The following DNAH2 variants were observed in gnomAD, a reference collection of about 807,000 sequenced individuals.
DNAH2 encodes dynein axonemal heavy chain 2.
Under a neutral mutation model 523.5 loss-of-function variants are expected in DNAH2, and 323 were observed. The ratio of observed to expected loss-of-function variants is 0.62; its 90% CI spans 0.56 to 0.68. The LOEUF is 0.68. Ranked by LOEUF, DNAH2 falls within the 30% of genes least tolerant of loss-of-function variation. The pLI, the probability that DNAH2 is intolerant of heterozygous loss-of-function variation, is 0.00. For missense variants in DNAH2, 4,907 were observed against 5,701.5 expected (o/e 0.86, Z 4.49); for synonymous variants, 2,093 against 2,177.4 (o/e 0.96, Z 1.08).
intron 58 of DNAH2, among the ~76,000 whole-genome samples, chr17:7,803,354 T>C (rs1040157047): frequency 3.3e-5 from 5 of 152,158 alleles, no homozygotes; most frequent in Non-Finnish European, 5.9e-5. Flanking sequence ...CTATTGCTGA[T>C]TTATTGCAAA....
intron 10 of DNAH2, 83 bp from the exon 11 acceptor site, chr17:7,740,727 G>A: frequency 1.3e-6 from 2 of 1,548,816 alleles, no homozygotes; most frequent in East Asian, 2.3e-5. Flanking sequence ...CCCGCAGCGG[G>A]GTGCAGCTTT....
At chr17:7,762,689 T>C (rs1231697547) in intron 18 of DNAH2, among the ~76,000 whole-genome samples, 1 of 151,820 alleles carries the variant, frequency 6.6e-6, no homozygotes, top group Non-Finnish European at 1.5e-5. Flanking sequence ...GCATTCCATG[T>C]GGAGGAAATA....
At chr17:7,732,982 T>G (rs2075033227) in intron 4 of DNAH2, 105 bp from the exon 5 acceptor site, 3 of 1,092,734 alleles carry the variant, frequency 2.7e-6, no homozygotes, top group Non-Finnish European at 4.0e-6. Flanking sequence ...TAGAGAAGGA[T>G]CAGGATACCC....
At chr17:7,765,714 G>A (rs902880943) in intron 21 of DNAH2, 149 bp downstream of exon 21, 2 of 826,790 alleles carry the variant, frequency 2.4e-6, no homozygotes, top group East Asian at 5.3e-5. Context: ...GAGCAAAGGA[G>A]GAGGACACTC....
In DNAH2 at chr17:7,798,145, C is replaced by A. The variant is rs143300355; in HGVS notation, c.8231-12C>A. ...AGCCAACTCATTACCCTCACACCCA[C>A]CCCACCCCCAGTCACACGGATCGTG... On this transcript the variant is annotated splice_polypyrimidine_tract_variant and intron_variant, in intron 53 of 85. Transcript: ENST00000572933. The surrounding 1 kb of genome is among the most constrained non-coding windows in gnomAD (Gnocchi z 5.5). 5 of 1,579,512 alleles carry A rather than the reference C, an allele frequency of 3.2e-6. No individual in the cohort carries two copies. The South Asian group carries it at 5.7e-5, about 18-fold the overall frequency.
intron 4 of DNAH2, among the ~76,000 whole-genome samples, chr17:7,731,766 C>T (rs1337077911): frequency 6.6e-6 from 1 of 152,128 alleles, no homozygotes; most frequent in Admixed American, 6.5e-5. Context: ...CAGTGGCTCA[C>T]GCCTATAATC....
At chr17:7,756,043 C>A (rs548174825) in intron 12 of DNAH2, among the ~76,000 whole-genome samples, 2 of 151,928 alleles carry the variant, frequency 1.3e-5, no homozygotes, top group South Asian at 4.2e-4. Flanking sequence ...AGTTTGAGAC[C>A]AGCCTGGCCA....
At position 7,780,833 on chromosome 17, in the gene DNAH2, A is replaced by G; in HGVS notation, c.6003+51A>G. On this transcript the variant is annotated intron_variant, in intron 38 of 85. Transcript: ENST00000572933. This position sits in a 1 kb window ranked among gnomAD's most constrained non-coding sequence, Gnocchi z 4.4. ...CCTGACTTCCACTGTCACTGGACCT[A>G]TGTCACTTCTCTCAAGTCTTTCAGA... 6.2e-7 allele frequency: 1 copy of G among 1,610,996 alleles called. No homozygotes were observed. Among genetic ancestry groups the G allele is most frequent in the South Asian group, 1.1e-5 (1 of 90,982 alleles).
chr17:7,780,920 G>A lies in DNAH2; in HGVS notation c.6004-122G>A, dbSNP rs373619293. On this transcript the variant is annotated intron_variant, in intron 38 of 85. Coordinates refer to ENST00000572933, the MANE Select transcript of DNAH2 (RefSeq NM_020877.5). This position sits in a 1 kb window ranked among gnomAD's most constrained non-coding sequence, Gnocchi z 4.4. ...ACCTCGTCCCATCCCCGTGTTGCCCGCTGCTTTGCTAATGGCTAACTGGTG... is the reference window on the plus strand; with the variant it reads ...ACCTCGTCCCATCCCCGTGTTGCCCACTGCTTTGCTAATGGCTAACTGGTG... The A allele has an allele frequency of 3.4e-4, 532 of 1,580,344 alleles. No homozygotes were observed. The highest frequency in any genetic ancestry group is 4.4e-4 in the Non-Finnish European group (507 of 1,159,638).
At chr17:7,756,238 TA>T (rs1033195420) in intron 12 of DNAH2, among the ~76,000 whole-genome samples, 3 of 151,088 alleles carry the variant, frequency 2.0e-5, no homozygotes, top group African/African-American at 4.9e-5. Context: ...GGACTCCATC[TA>T]AAAAAAATTT....
chr17:7,760,617 T>C lies in DNAH2; in HGVS notation c.2786-123T>C, dbSNP rs950822895. The C allele has an allele frequency of 6.9e-6, 6 of 869,594 alleles. No homozygotes were observed. The highest frequency in any genetic ancestry group is 3.4e-5 in the African/African-American group (2 of 58,764). The allele number at this position is 869,594 out of a possible 1,614,324, so 53.9% of individuals were successfully genotyped here. A position where few individuals can be genotyped will look rare whatever the true frequency, so the allele number is the denominator to read the frequency against. The stretch of plus-strand genomic sequence containing the variant: ...CTCCTTTACCTTCTAATGTGCATGT[T>C]TGAGCTGTATTTCTCTGGGAAGCTG... On this transcript the variant is annotated intron_variant, in intron 17 of 85. Coordinates refer to ENST00000572933, the MANE Select transcript of DNAH2 (RefSeq NM_020877.5). This position sits in a 1 kb window ranked among gnomAD's most constrained non-coding sequence, Gnocchi z 4.0.
Position 7,788,252 on chromosome 17 carries a change from G to C in DNAH2, c.6900+8G>C. The C allele has an allele frequency of 6.4e-7, 1 of 1,569,580 alleles. No homozygotes were observed. The highest frequency in any genetic ancestry group is 1.9e-5 in the Admixed American group (1 of 52,340). On this transcript the variant is annotated splice_region_variant and intron_variant, in intron 44 of 85. Coordinates refer to ENST00000572933, the MANE Select transcript of DNAH2 (RefSeq NM_020877.5). ...GCCACGCCAGAGAATGGGGTAAGGG[G>C]AGGACACAGACCACGGGCAGGGGCA...
chr17:7,771,354 C>A lies in DNAH2; in HGVS notation c.4387C>A (p.Arg1463Ser), dbSNP rs376959169. Residue 1463 changes from arginine to serine, a missense_variant, in exon 28 of 86, where the codon CGC (arginine) becomes AGC (serine). Arg to Ser is a moderately radical substitution (Grantham distance 110). This residue lies in a region of DNAH2 where 2,806 missense variants were observed against 3,190.8 expected (regional missense o/e 0.88). Coordinates refer to ENST00000572933, the MANE Select transcript of DNAH2 (RefSeq NM_020877.5). The part of the protein sequence containing the change: ...LENIFLGEDI[R>S]KQLPNESTLF... ...GAATATCTTCCTAGGAGAAGACATC[C>A]GCAAGCAGCTGCCCAATGAATCGAC... 19 of 1,614,106 alleles carry A rather than the reference C, an allele frequency of 1.2e-5. No homozygotes were observed. Among genetic ancestry groups the A allele is most frequent in the Non-Finnish European group, 1.4e-5 (16 of 1,180,018 alleles).
chr17:7,759,506 C>A lies in DNAH2; in HGVS notation c.2533C>A (p.Leu845Ile). 6.2e-7 allele frequency: 1 copy of A among 1,614,182 alleles called. No individual in the cohort carries two copies. The highest frequency in any genetic ancestry group is 8.5e-7 in the Non-Finnish European group (1 of 1,180,030). The change falls in exon 16 of 86, where the codon CTA becomes ATA. Residue 845 changes from leucine (L) to isoleucine (I), a missense_variant. Coordinates refer to ENST00000572933, the MANE Select transcript of DNAH2 (RefSeq NM_020877.5). ...ALRLNVKWSL[L>I]ELSKAINGDG... ...GCGCCTGAATGTGAAGTGGTCACTG[C>A]TAGAACTATCCAAGGCTATCAACGG... is the stretch of plus-strand genomic sequence containing the variant.
chr17:7,833,169 C>T lies in DNAH2; in HGVS notation c.13077C>T (p.Leu4359=). 6.2e-7 allele frequency: 1 copy of T among 1,609,814 alleles called. No homozygotes were observed. The highest frequency in any genetic ancestry group is 2.2e-5 in the East Asian group (1 of 44,860). ...VEAEPMQLVC[L]MPTIHFRPAE... is the part of the protein sequence containing the mutation. ...CAGAGCCCATGCAGCTTGTCTGCCTCATGCCCACGATCCACTTCCGGCCTG... is the reference window on the plus strand; with the variant it reads ...CAGAGCCCATGCAGCTTGTCTGCCTTATGCCCACGATCCACTTCCGGCCTG... The change falls in exon 85 of 86, where the codon CTC becomes CTT. Residue 4359 remains leucine, a synonymous_variant. Coordinates refer to ENST00000572933, the MANE Select transcript of DNAH2 (RefSeq NM_020877.5).
At position 7,779,421 on chromosome 17, in the gene DNAH2, C is replaced by T; in HGVS notation, c.5720C>T (p.Pro1907Leu). The change falls in exon 36 of 86, where the codon CCT (proline) becomes CTT (leucine). Residue 1907 changes from proline to leucine, a missense_variant and splice_region_variant. Transcript: ENST00000572933. Reference protein sequence around the residue: ...WSCGIFITMNPGYAGRTELPE... With the variant: ...WSCGIFITMNLGYAGRTELPE... ...TGTGGGATCTTCATTACCATGAATCCTGGTAGGTGGCAGGGAGTGGATGGG... is the reference window on the plus strand; with the variant it reads ...TGTGGGATCTTCATTACCATGAATCTTGGTAGGTGGCAGGGAGTGGATGGG... The T allele has an allele frequency of 6.2e-7, 1 of 1,613,178 alleles. No individual in the cohort carries two copies. The highest frequency in any genetic ancestry group is 2.2e-5 in the East Asian group (1 of 44,880).
Position 7,786,193 on chromosome 17 carries a change from G to C in DNAH2, c.6199G>C (p.Val2067Leu). The C allele has an allele frequency of 6.2e-7, 1 of 1,613,570 alleles. No homozygotes were observed. The highest frequency in any genetic ancestry group is 8.5e-7 in the Non-Finnish European group (1 of 1,179,972). Residue 2067 changes from valine to leucine, a missense_variant, in exon 40 of 86, where the codon GTT becomes CTT. Coordinates refer to ENST00000572933, the MANE Select transcript of DNAH2 (RefSeq NM_020877.5). The surrounding 1 kb of genome is among the most constrained non-coding windows in gnomAD (Gnocchi z 7.5). The stretch of plus-strand genomic sequence containing the variant: ...AAGCACGCCGTTCACCCTCACCAAG[G>C]TTTTCCAGTTGTATGAAACCAAGAA... ...LQSTPFTLTK[V>L]FQLYETKNSR...
At chr17:7,777,107 C>T (rs376505658) in intron 32 of DNAH2, among the ~76,000 whole-genome samples, 331 of 142,568 alleles carry the variant, frequency 2.3e-3, no homozygotes, top group Admixed American at 3.2e-3. Context: ...CCAGCCTGGG[C>T]GACAGAACAA....
In DNAH2 at chr17:7,763,908, A is replaced by C. The variant is rs1597577627; in HGVS notation, c.3056A>C (p.His1019Pro). The C allele has an allele frequency of 6.2e-7, 1 of 1,614,164 alleles. No individual in the cohort carries two copies. Among genetic ancestry groups the C allele is most frequent in the Non-Finnish European group, 8.5e-7 (1 of 1,180,022 alleles). The change falls in exon 19 of 86, where the codon CAC (histidine) becomes CCC (proline). Residue 1019 changes from histidine to proline, a missense_variant. Transcript: ENST00000572933. Reference sequence around the variant, plus strand: ...CAGTTTGTGCTGCTGGACTGTTCGCACCTCAAGTTCTCCCTGGTGCAGCAC... The same window carrying C: ...CAGTTTGTGCTGCTGGACTGTTCGCCCCTCAAGTTCTCCCTGGTGCAGCAC... The part of the protein sequence containing the change: ...NIQFVLLDCS[H>P]LKFSLVQHCN...
Sources: allele counts gnomAD v4.1 joint callset (sites outside exome capture counted in the v4.1 genomes callset), GRCh38; gene constraint gnomAD v4.1.1; regional missense constraint gnomAD v4.1.1; non-coding constraint Gnocchi (gnomAD v3.1); transcripts MANE v1.5; gene names NCBI Gene and HGNC (gene_info 2026-07-23, HGNC 2026-07-21).